The following PCDHGB5 variants were observed in gnomAD, a reference collection of about 807,000 sequenced individuals.
PCDHGB5 encodes protocadherin gamma-B5.
In PCDHGB5, 48 loss-of-function variants were observed where a neutral mutation model predicts 62.9. That is an observed-to-expected ratio of 0.76 (90% CI 0.61 to 0.97). The LOEUF (loss-of-function observed/expected upper bound fraction) is 0.97. Ranked by LOEUF, PCDHGB5 falls within the 50% of genes least tolerant of loss-of-function variation. The probability of loss-of-function intolerance (pLI) is 0.00; values close to 1 mark genes in which losing one functional copy is unlikely to be tolerated. For missense variants in PCDHGB5, 1,118 were observed against 1,198.6 expected (o/e 0.93, Z 0.99); for synonymous variants, 474 against 511.2 (o/e 0.93, Z 0.98).
intron 1 of PCDHGB5, chr5:141,422,903 A>G (rs1444530801): frequency 1.9e-6 from 3 of 1,614,036 alleles, no homozygotes; most frequent in African/African-American, 2.7e-5. Context: ...CAGAACGACA[A>G]TGCGCCCGAG....
At chr5:141,497,722 T>C (rs1395904793) in intron 2 of PCDHGB5, among the ~76,000 whole-genome samples, 1 of 152,030 alleles carries the variant, frequency 6.6e-6, no homozygotes, top group Non-Finnish European at 1.5e-5. Flanking sequence ...GTATTTTTAG[T>C]AGAGATGGGT....
chr5:141,403,694 C>T (rs746395931), intron 1 of PCDHGB5: 3 of 1,613,760 alleles, frequency 1.9e-6, no homozygotes, highest in Admixed American at 3.3e-5. Flanking sequence ...ACGGATTTAC[C>T]GAGTTAAAGT....
intron 1 of PCDHGB5, chr5:141,414,145 C>T (rs1157390595): frequency 6.3e-7 from 1 of 1,597,566 alleles, no homozygotes; most frequent in Non-Finnish European, 8.5e-7. Context: ...AATAGAAATA[C>T]AAGCAGAAGA....
intron 1 of PCDHGB5, chr5:141,422,201 G>T (rs764621323): frequency 1.9e-6 from 3 of 1,562,386 alleles, no homozygotes; most frequent in Admixed American, 2.0e-5. Flanking sequence ...GGCCAAGATG[G>T]TGGAGGTCTC....
chr5:141,432,717 C>T lies in PCDHGB5; in HGVS notation c.2397+32193C>T. On this transcript the variant is annotated intron_variant, in intron 1 of 3. Transcript: ENST00000617380. The surrounding 1 kb of genome is among the most constrained non-coding windows in gnomAD (Gnocchi z 6.0). ...GCCGTCCAGGACCACGGCCAGCCCC[C>T]TCTCTCCGCCACTGTCACGCTCACC... 1 of 1,614,030 alleles carries T rather than the reference C, an allele frequency of 6.2e-7. No individual in the cohort carries two copies. Among genetic ancestry groups the T allele is most frequent in the Non-Finnish European group, 8.5e-7 (1 of 1,179,978 alleles).
In PCDHGB5 at chr5:141,423,740, GA is replaced by G. The variant is rs778655137; in HGVS notation, c.2397+23220del. 7 of 698,952 alleles carry G rather than the reference GA, an allele frequency of 1.0e-5. No individual in the cohort carries two copies. The African/African-American group carries it at 1.9e-4, about 19-fold the overall frequency. The allele number at this position is 698,952 out of a possible 1,614,324, so 43.3% of individuals were successfully genotyped here. ...AGGAGATGTTTTTTGAGCCTGTTAT[GA>G]AAACTGTTTGGGGGGGGGGTGGGGC... On this transcript the variant is annotated intron_variant, in intron 1 of 3. Coordinates refer to ENST00000617380, the MANE Select transcript of PCDHGB5 (RefSeq NM_018925.3).
intron 1 of PCDHGB5, among the ~76,000 whole-genome samples, chr5:141,438,619 TATATATATATATATATAC>T (rs1380852637): frequency 0.021 from 829 of 39,644 alleles, 15 homozygotes; most frequent in East Asian, 0.054. Context: ...TATATATATA[TATATATATATATATATAC>T]ACACACACAC....
In PCDHGB5 at chr5:141,477,891, G is replaced by T. The variant is rs750359063; in HGVS notation, c.2398-16916G>T. 10 of 1,614,066 alleles carry T rather than the reference G, an allele frequency of 6.2e-6. No individual in the cohort carries two copies. The African/African-American group carries it at 1.2e-4, about 19-fold the overall frequency. ...ACCTCAGCTGGCCACCTAGTGTCAC[G>T]GGTGGTAGGCTGGGACGCGGATGCA... is the stretch of plus-strand genomic sequence containing the variant. On this transcript the variant is annotated intron_variant, in intron 1 of 3. Coordinates refer to ENST00000617380, the MANE Select transcript of PCDHGB5 (RefSeq NM_018925.3). This position sits in a 1 kb window ranked among gnomAD's most constrained non-coding sequence, Gnocchi z 4.9.
chr5:141,438,344 C>A (rs1591501799), intron 1 of PCDHGB5, among the ~76,000 whole-genome samples: 1 of 151,664 alleles, frequency 6.6e-6, no homozygotes, highest in African/African-American at 2.4e-5. Flanking sequence ...ATATAAGGAT[C>A]TACTCTGTGT....
intron 1 of PCDHGB5, among the ~76,000 whole-genome samples, chr5:141,488,553 T>C (rs2099676887): frequency 6.6e-6 from 1 of 152,166 alleles, no homozygotes; most frequent in South Asian, 2.1e-4. Flanking sequence ...TCAGCTGACA[T>C]TGAGATTTCC....
At chr5:141,412,948 G>A in intron 1 of PCDHGB5, 1 of 468,334 alleles carries the variant, frequency 2.1e-6, no homozygotes, top group Non-Finnish European at 3.7e-6. Context: ...TCTGAGCGCC[G>A]CTGTTCACCT....
intron 1 of PCDHGB5, chr5:141,413,750 G>T (rs1325273363): frequency 6.2e-7 from 1 of 1,612,538 alleles, no homozygotes; most frequent in African/African-American, 1.3e-5. Flanking sequence ...CGTGCCAATG[G>T]CGTCAAGTAC....
At chr5:141,495,102 C>A (rs1344771035) in intron 2 of PCDHGB5, among the ~76,000 whole-genome samples, 3 of 152,160 alleles carry the variant, frequency 2.0e-5, no homozygotes, top group Non-Finnish European at 4.4e-5. Flanking sequence ...CTCGCCACGA[C>A]CGGCACCTTT....
chr5:141,500,434 C>T (rs1216731905), intron 2 of PCDHGB5, among the ~76,000 whole-genome samples: 1 of 152,014 alleles, frequency 6.6e-6, no homozygotes, highest in Non-Finnish European at 1.5e-5. Flanking sequence ...TGGTCTCGAT[C>T]TCCTGACCTC....
intron 1 of PCDHGB5, among the ~76,000 whole-genome samples, chr5:141,464,402 G>T (rs900750443): frequency 6.6e-6 from 1 of 150,722 alleles, no homozygotes; most frequent in African/African-American, 2.4e-5. Context: ...AAGAACCTGA[G>T]ATATATATAT....
At chr5:141,481,647 A>C (rs749515062) in intron 1 of PCDHGB5, among the ~76,000 whole-genome samples, 28 of 151,830 alleles carry the variant, frequency 1.8e-4, no homozygotes, top group African/African-American at 6.5e-4. Context: ...GTGAAACTTC[A>C]TCTCTACTAA....
At chr5:141,460,965 G>A (rs1398642676) in intron 1 of PCDHGB5, among the ~76,000 whole-genome samples, 21 of 114,476 alleles carry the variant, frequency 1.8e-4, no homozygotes, top group African/African-American at 8.5e-4. Flanking sequence ...ATATATATGT[G>A]TGTGTGTGTG....
At chr5:141,406,109 G>C (rs2094766123) in intron 1 of PCDHGB5, among the ~76,000 whole-genome samples, 1 of 144,746 alleles carries the variant, frequency 6.9e-6, no homozygotes, top group South Asian at 2.2e-4. Flanking sequence ...GTGTCATTCT[G>C]TTGTCCAGGG....
chr5:141,400,178 T>G lies in PCDHGB5; in HGVS notation c.2051T>G (p.Leu684Arg). ...RPVPSDPQAELQFYLVVALAL... is the reference protein window; with the variant it reads ...RPVPSDPQAERQFYLVVALAL... ...GTACCCTCTGACCCCCAGGCTGAGC[T>G]GCAGTTTTACCTAGTGGTGGCCTTG... The change falls in exon 1 of 4, where the codon CTG (leucine) becomes CGG (arginine). Residue 684 changes from leucine (L) to arginine (R), a missense_variant. Physicochemically the swap from Leu to Arg is moderately radical, Grantham distance 102 (BLOSUM62 -2). Coordinates refer to ENST00000617380, the MANE Select transcript of PCDHGB5 (RefSeq NM_018925.3). 6.2e-7 allele frequency: 1 copy of G among 1,614,074 alleles called. No homozygotes were observed. The highest frequency in any genetic ancestry group is 8.5e-7 in the Non-Finnish European group (1 of 1,179,900).
Sources: gnomAD v4.1 joint callset for allele counts (sites outside exome capture counted in the v4.1 genomes callset) on GRCh38, gnomAD v4.1.1 for gene constraint, Gnocchi (gnomAD v3.1) non-coding constraint, MANE v1.5 for transcripts, NCBI Gene and HGNC (gene_info 2026-07-23, HGNC 2026-07-21) for gene names.